Variants in ECHS1 observed in about 807,000 individuals in gnomAD.
ECHS1 encodes enoyl-CoA hydratase, mitochondrial.
Under a neutral mutation model 33.5 loss-of-function variants are expected in ECHS1, and 19 were observed. The observed-to-expected ratio is 0.57, with a 90% confidence interval of 0.40 to 0.83. The LOEUF is 0.83. ECHS1 is among the 40% of genes least tolerant of loss of function. The pLI, the probability that ECHS1 is intolerant of heterozygous loss-of-function variation, is 0.00. For missense variants in ECHS1, 365 were observed against 381.3 expected (o/e 0.96, Z 0.36); for synonymous variants, 158 against 146.6 (o/e 1.08, Z -0.56).
chr10:133,366,765 C>G (rs553082725), intron 5 of ECHS1, 124 bp downstream of exon 5: 1 of 682,454 alleles, frequency 1.5e-6, no homozygotes, highest in East Asian at 2.8e-5. Context: ...AGGGGGACAC[C>G]TGGATGCTGC....
Position 133,362,927 on chromosome 10 carries a change from G to C in ECHS1, c.814C>G (p.Arg272Gly). ...LFYSTFATDD[R>G]KEGMTAFVEK... ...ACAAACGCGGTCATCCCTTCTTTCC[G>C]GTCATCCTGGCAGGAAAAGGAACAG... Residue 272 changes from arginine to glycine, a missense_variant, in exon 8 of 8, where the codon CGG becomes GGG. Transcript: ENST00000368547. The C allele has an allele frequency of 6.2e-7, 1 of 1,614,038 alleles. No individual in the cohort carries two copies.
chr10:133,366,939 T>TCCATCG lies in ECHS1; in HGVS notation c.563_568dup (p.Ala188_Met189dup), dbSNP rs1186992166. 6.2e-7 allele frequency: 1 copy of TCCATCG among 1,612,578 alleles called. No individual in the cohort carries two copies. The highest frequency in any genetic ancestry group is 1.3e-5 in the African/African-American group (1 of 74,942). On this transcript the variant is annotated inframe_insertion, in exon 5 of 8. Transcript: ENST00000368547. ...GATCCGGTCACCAGTGAGGACCATC[T>TCCATCG]CCATCGCCAGCGACTTCCCAACAGC...
At chr10:133,370,054 T>A in intron 2 of ECHS1, 23 bp from the exon 3 acceptor site, 1 of 1,613,108 alleles carries the variant, frequency 6.2e-7, no homozygotes, top group Non-Finnish European at 8.5e-7. Context: ...GAAAGGAGGT[T>A]CCAGTTACCA....
At chr10:133,368,551 G>A (rs1463361344) in intron 4 of ECHS1, among the ~76,000 whole-genome samples, 1 of 152,120 alleles carries the variant, frequency 6.6e-6, no homozygotes, top group South Asian at 2.1e-4. Context: ...CCCAGGCCAT[G>A]TGACCTCCAT....
chr10:133,370,825 G>T, intron 1 of ECHS1, 68 bp from the exon 2 acceptor site: 1 of 1,502,792 alleles, frequency 6.7e-7, no homozygotes, highest in Non-Finnish European at 9.0e-7. Context: ...TGGGGGAAGG[G>T]ATGTGGCCCC....
Position 133,364,701 on chromosome 10 carries a change from C to G in ECHS1, c.764G>C (p.Gly255Ala), listed in dbSNP as rs2133438746. Reference protein sequence around the residue: ...NAAFEMTLTEGSKLEKKLFYS... With the variant: ...NAAFEMTLTEASKLEKKLFYS... ...AAAGAGTTTCTTCTCCAACTTACTT[C>G]CTTCTGTTAATGTCATTTCAAAAGC... The change falls in exon 7 of 8, where the codon GGA becomes GCA. Residue 255 changes from glycine to alanine, a missense_variant. Gly to Ala is a moderately conservative substitution (Grantham distance 60). Transcript: ENST00000368547. The G allele has an allele frequency of 6.2e-7, 1 of 1,613,862 alleles. No individual in the cohort carries two copies. The highest frequency in any genetic ancestry group is 8.5e-7 in the Non-Finnish European group (1 of 1,179,856).
chr10:133,369,043 G>A (rs770609722), intron 3 of ECHS1, 21 bp from the exon 4 acceptor site: 1 of 1,610,686 alleles, frequency 6.2e-7, no homozygotes. Flanking sequence ...TTCGGCATCA[G>A]GAGAGTCTTA....
intron 6 of ECHS1, among the ~76,000 whole-genome samples, chr10:133,365,250 G>A (rs1849013579): frequency 1.3e-5 from 2 of 152,294 alleles, no homozygotes; most frequent in African/African-American, 2.4e-5. Context: ...AGGGGAGCAC[G>A]ACCTTGCCAA....
rs900684601 is a variant in ECHS1, at chr10:133,373,255, A to C, written c.79T>G (p.Phe27Val). The C allele has an allele frequency of 4.1e-5, 59 of 1,440,924 alleles. No individual in the cohort carries two copies. The African/African-American group carries it at 8.0e-4, about 20-fold the overall frequency. 89.3% of individuals were successfully genotyped at this position (1,440,924 alleles called of 1,614,324 possible). Reference protein sequence around the residue: ...PPVRCPAWRPFASGANFEYII... With the variant: ...PPVRCPAWRPVASGANFEYII... ...CTCACCGCGCACTCACCCGAGGCGAAGGGACGCCAGGCGGGACAGCGAACC... is the reference window on the plus strand; with the variant it reads ...CTCACCGCGCACTCACCCGAGGCGACGGGACGCCAGGCGGGACAGCGAACC... The change falls in exon 1 of 8, where the codon TTC becomes GTC. Residue 27 changes from phenylalanine to valine, a missense_variant. By Grantham distance (50) the Phe-to-Val change is conservative. Transcript: ENST00000368547.
chr10:133,363,409 C>A (rs1343893994), intron 7 of ECHS1, among the ~76,000 whole-genome samples: 1 of 152,226 alleles, frequency 6.6e-6, no homozygotes, highest in Non-Finnish European at 1.5e-5. Flanking sequence ...TCCTCAGGTG[C>A]CCAAACCACT....
Position 133,373,240 on chromosome 10 carries a change from A to G in ECHS1, c.88+6T>C. On this transcript the variant is annotated splice_donor_region_variant and intron_variant, in intron 1 of 7. Transcript: ENST00000368547. ...TTCGGGCCGCCAGCTCTCACCGCGC[A>G]CTCACCCGAGGCGAAGGGACGCCAG... is the stretch of plus-strand genomic sequence containing the variant. 1 of 1,424,412 alleles carries G rather than the reference A, an allele frequency of 7.0e-7. No individual in the cohort carries two copies. Among genetic ancestry groups the G allele is most frequent in the Non-Finnish European group, 9.1e-7 (1 of 1,095,862 alleles). The allele number at this position is 1,424,412 out of a possible 1,614,324, so 88.2% of individuals were successfully genotyped here. A position where few individuals can be genotyped will look rare whatever the true frequency, so the allele number is the denominator to read the frequency against.
At chr10:133,363,924 T>C (rs868143012) in intron 7 of ECHS1, among the ~76,000 whole-genome samples, 14 of 152,138 alleles carry the variant, frequency 9.2e-5, no homozygotes, top group Admixed American at 7.9e-4. Flanking sequence ...ATTGGAATGA[T>C]CTAAAAAAAC....
chr10:133,369,929 A>T lies in ECHS1; in HGVS notation c.389T>A (p.Val130Asp), dbSNP rs753793522. 6.4e-5 allele frequency: 103 copies of T among 1,613,702 alleles called. No individual in the cohort carries two copies. The highest frequency in any genetic ancestry group is 8.3e-5 in the Admixed American group (5 of 59,994). Reference protein sequence around the residue: ...WDHLTQVKKPVIAAVNGYAFG... With the variant: ...WDHLTQVKKPDIAAVNGYAFG... ...GGCATAGCCATTGACAGCAGCGATG[A>T]CTGGCTTCTTGACCTGGGTGAGGTG... The change falls in exon 3 of 8, where the codon GTC becomes GAC. Residue 130 changes from valine to aspartate, a missense_variant. Transcript: ENST00000368547.
chr10:133,366,848 C>T (rs1393235885), intron 5 of ECHS1, 41 bp downstream of exon 5: 12 of 1,521,486 alleles, frequency 7.9e-6, no homozygotes, highest in South Asian at 1.1e-5. Flanking sequence ...GCTCCCACCC[C>T]GGGTTTCCAG....
chr10:133,368,342 G>A (rs772622105), intron 4 of ECHS1, among the ~76,000 whole-genome samples: 3 of 152,154 alleles, frequency 2.0e-5, no homozygotes, highest in Admixed American at 6.5e-5. Flanking sequence ...CCTCAGAATC[G>A]GCCTCGTCCA....
chr10:133,370,659 C>G lies in ECHS1; in HGVS notation c.187G>C (p.Asp63His), dbSNP rs763796581. The G allele has an allele frequency of 1.9e-5, 30 of 1,613,174 alleles. No individual in the cohort carries two copies. The highest frequency in any genetic ancestry group is 6.8e-6 in the Non-Finnish European group (8 of 1,179,848). Residue 63 changes from aspartate (D) to histidine (H), a missense_variant, in exon 2 of 8, where the codon GAT (aspartate) becomes CAT (histidine). Coordinates refer to ENST00000368547, the MANE Select transcript of ECHS1 (RefSeq NM_004092.4). The stretch of plus-strand genomic sequence containing the variant: ...TGGTTGAGCTCGTCAATCAGGCCAT[C>G]GCAAAGTGCATTGAGGGCCTTGGGG... ...NRPKALNALCDGLIDELNQAL... is the reference protein window; with the variant it reads ...NRPKALNALCHGLIDELNQAL...
chr10:133,370,874 G>T, intron 1 of ECHS1, 117 bp from the exon 2 acceptor site: 1 of 1,045,918 alleles, frequency 9.6e-7, no homozygotes, highest in Non-Finnish European at 1.4e-6. Context: ...GCCCTCTGAG[G>T]GCTCCCTGCC....
intron 7 of ECHS1, among the ~76,000 whole-genome samples, chr10:133,364,048 G>A (rs998757601): frequency 1.3e-5 from 2 of 151,804 alleles, no homozygotes; most frequent in Non-Finnish European, 2.9e-5. Context: ...GGGTTCAAGC[G>A]ATTCTCCTGC....
intron 1 of ECHS1, among the ~76,000 whole-genome samples, chr10:133,371,857 C>T (rs899680466): frequency 6.6e-6 from 1 of 152,064 alleles, no homozygotes; most frequent in Non-Finnish European, 1.5e-5. Flanking sequence ...AGTGCAGTGG[C>T]GCAATCTTGG....
Sources: gnomAD v4.1 joint callset for allele counts (sites outside exome capture counted in the v4.1 genomes callset) on GRCh38, gnomAD v4.1.1 for gene constraint, MANE v1.5 for transcripts, NCBI Gene and HGNC (gene_info 2026-07-23, HGNC 2026-07-21) for gene names.